NELL1: variants seen among roughly 807,000 people sequenced by gnomAD.
NELL1 encodes the protein protein kinase C-binding protein NELL1.
NELL1 carries 76 observed loss-of-function variants against 107.4 expected under a neutral mutation model. The ratio of observed to expected loss-of-function variants is 0.71; its 90% CI spans 0.59 to 0.86. The LOEUF (loss-of-function observed/expected upper bound fraction) is 0.86, where lower values mean the gene tolerates loss of function less well. NELL1 is among the 40% of genes least tolerant of loss of function. NELL1 has a pLI of 0.00. For missense variants in NELL1, 1,024 were observed against 1,005.5 expected (o/e 1.02, Z -0.25); for synonymous variants, 353 against 341.2 (o/e 1.03, Z -0.38).
chr11:21,433,350 G>A (rs745683837), intron 15 of NELL1, among the ~76,000 whole-genome samples: 7 of 152,270 alleles, frequency 4.6e-5, no homozygotes, highest in Non-Finnish European at 7.4e-5. Flanking sequence ...GGGGTTGTTG[G>A]TATCTCTTTG....
At chr11:20,724,303 G>T (rs1446960849) in intron 2 of NELL1, among the ~76,000 whole-genome samples, 1 of 152,180 alleles carries the variant, frequency 6.6e-6, no homozygotes, top group African/African-American at 2.4e-5. Context: ...TCTACCACAT[G>T]GTCAGGCTGC....
intron 13 of NELL1, among the ~76,000 whole-genome samples, chr11:21,228,063 T>C (rs781128654): frequency 3.9e-5 from 6 of 152,240 alleles, no homozygotes; most frequent in Non-Finnish European, 8.8e-5. Flanking sequence ...GGTTTCTAAC[T>C]GGAATTTCTA....
At chr11:21,301,402 A>C (rs1322954664) in intron 14 of NELL1, among the ~76,000 whole-genome samples, 1 of 152,068 alleles carries the variant, frequency 6.6e-6, no homozygotes, top group Non-Finnish European at 1.5e-5. Flanking sequence ...CCTCTCCAGC[A>C]CCTATTGTTT....
intron 12 of NELL1, among the ~76,000 whole-genome samples, chr11:20,983,029 G>A (rs1851779676): frequency 6.6e-6 from 1 of 152,118 alleles, no homozygotes; most frequent in Admixed American, 6.5e-5. Context: ...TAATACAGTG[G>A]AAAGAGACCT....
intron 13 of NELL1, among the ~76,000 whole-genome samples, chr11:21,221,061 G>C (rs773767867): frequency 6.6e-6 from 1 of 152,126 alleles, no homozygotes. Flanking sequence ...CTAATTCATT[G>C]AGAGTTTTTA....
chr11:21,480,510 C>T (rs186304161), intron 15 of NELL1, among the ~76,000 whole-genome samples: 105 of 152,258 alleles, frequency 6.9e-4, no homozygotes, highest in African/African-American at 1.9e-3. Flanking sequence ...TTCACAGTGT[C>T]GGCCACGGAT....
At chr11:21,377,155 C>G (rs1241265588) in intron 15 of NELL1, among the ~76,000 whole-genome samples, 1 of 151,926 alleles carries the variant, frequency 6.6e-6, no homozygotes, top group African/African-American at 2.4e-5. Flanking sequence ...AGTTTTTGCC[C>G]ATTCAGTATG....
At chr11:21,017,479 T>A (rs1852593953) in intron 12 of NELL1, among the ~76,000 whole-genome samples, 2 of 152,112 alleles carry the variant, frequency 1.3e-5, no homozygotes, top group Non-Finnish European at 2.9e-5. Context: ...TAATTACCTA[T>A]TTTTTATACC....
At chr11:20,835,159 A>G (rs1294066654) in intron 3 of NELL1, among the ~76,000 whole-genome samples, 1 of 152,128 alleles carries the variant, frequency 6.6e-6, no homozygotes, top group East Asian at 1.9e-4. Context: ...ATTCTTCTAC[A>G]TCTAGCTTCT....
intron 15 of NELL1, among the ~76,000 whole-genome samples, chr11:21,488,205 A>C (rs1207724687): frequency 6.6e-6 from 1 of 152,176 alleles, no homozygotes; most frequent in East Asian, 1.9e-4. Context: ...CATTTTATTG[A>C]ACAACTACAG....
intron 13 of NELL1, among the ~76,000 whole-genome samples, chr11:21,214,686 G>T (rs1358454452): frequency 6.7e-6 from 1 of 150,284 alleles, no homozygotes; most frequent in Admixed American, 6.7e-5. Context: ...CACACTTTCG[G>T]ATATTTATCC....
chr11:21,066,609 T>C (rs1853877285), intron 12 of NELL1, among the ~76,000 whole-genome samples: 1 of 152,186 alleles, frequency 6.6e-6, no homozygotes, highest in Non-Finnish European at 1.5e-5. Context: ...TTAGAATGCC[T>C]ATCTTTCAGG....
intron 9 of NELL1, 56 bp downstream of exon 9, chr11:20,928,535 A>T: frequency 2.1e-6 from 3 of 1,407,374 alleles, no homozygotes; most frequent in Non-Finnish European, 3.0e-6. Context: ...TTATTTATTT[A>T]TTTTCCCTGT....
intron 9 of NELL1, among the ~76,000 whole-genome samples, chr11:20,929,982 G>GAA (rs200854592): frequency 5.5e-4 from 70 of 128,062 alleles, no homozygotes; most frequent in African/African-American, 8.5e-4. Flanking sequence ...AAAAAAAAAA[G>GAA]AAAAAAAAAA....
intron 14 of NELL1, among the ~76,000 whole-genome samples, chr11:21,344,500 T>G (rs982371778): frequency 6.6e-6 from 1 of 152,116 alleles, no homozygotes; most frequent in Non-Finnish European, 1.5e-5. Flanking sequence ...TCTAGGCCTC[T>G]CATAACAATT....
At chr11:21,277,310 A>C (rs1848887696) in intron 14 of NELL1, among the ~76,000 whole-genome samples, 1 of 152,156 alleles carries the variant, frequency 6.6e-6, no homozygotes, top group Non-Finnish European at 1.5e-5. Context: ...GCTCATCATC[A>C]CTGGCCATCA....
intron 15 of NELL1, among the ~76,000 whole-genome samples, chr11:21,436,151 T>C (rs1590930814): frequency 6.6e-6 from 1 of 152,124 alleles, no homozygotes; most frequent in Admixed American, 6.5e-5. Flanking sequence ...CTGCCTCGGG[T>C]TCAAGTGATT....
At position 20,745,698 on chromosome 11, in the gene NELL1, C is replaced by T. The variant is rs1855987328; in HGVS notation, c.185-37982C>T. On this transcript the variant is annotated intron_variant, in intron 2 of 19. Transcript: ENST00000357134. ...ATTAATAAAAGGAGCTTTGTTTTTCCATCCAGTTTAGACCCATCAAGACAA... is the reference window on the plus strand; with the variant it reads ...ATTAATAAAAGGAGCTTTGTTTTTCTATCCAGTTTAGACCCATCAAGACAA... Among the ~76,000 whole-genome samples, 3 of 152,114 alleles carry T rather than the reference C, an allele frequency of 2.0e-5. No homozygotes were observed. In the South Asian group the frequency reaches 6.2e-4, roughly 32 times the overall value.
chr11:21,383,304 T>G (rs1189675974), intron 15 of NELL1, among the ~76,000 whole-genome samples: 1 of 151,920 alleles, frequency 6.6e-6, no homozygotes, highest in Non-Finnish European at 1.5e-5. Context: ...TAAAGCATTT[T>G]CCAGTTTAAG....
Sources: gnomAD v4.1 joint callset for allele counts (sites outside exome capture counted in the v4.1 genomes callset) on GRCh38, gnomAD v4.1.1 for gene constraint, MANE v1.5 for transcripts, NCBI Gene and HGNC (gene_info 2026-07-23, HGNC 2026-07-21) for gene names.